Variants in DSCAML1 observed in about 807,000 individuals in gnomAD.
DSCAML1 encodes DS cell adhesion molecule like 1, also known as cell adhesion molecule DSCAML1.
Under a neutral mutation model 200.5 loss-of-function variants are expected in DSCAML1, and 38 were observed. That is an observed-to-expected ratio of 0.19 (90% CI 0.15 to 0.25). The LOEUF is 0.25. Among genes scored for constraint, DSCAML1 ranks in the 10% least tolerant of loss-of-function variants. DSCAML1 has a pLI of 1.00. For missense variants in DSCAML1, 2,223 were observed against 2,858.8 expected, an observed-to-expected ratio of 0.78 and a Z score of 5.07; for synonymous variants, 1,215 against 1,165.0, an observed-to-expected ratio of 1.04 and a Z score of -0.87.
chr11:117,511,113 G>C (rs573610323), intron 8 of DSCAML1, among the ~76,000 whole-genome samples: 1 of 152,190 alleles, frequency 6.6e-6, no homozygotes, highest in Non-Finnish European at 1.5e-5. Context: ...CCAGGCATAC[G>C]GCAGAGGCTG....
intron 1 of DSCAML1, among the ~76,000 whole-genome samples, chr11:117,815,926 C>T (rs2055801520): frequency 6.6e-6 from 1 of 151,862 alleles, no homozygotes; most frequent in Non-Finnish European, 1.5e-5. Flanking sequence ...ATGAAATCTG[C>T]CAAAACGGGT....
At chr11:117,810,162 TTTCAA>T (rs1345009167) in intron 1 of DSCAML1, among the ~76,000 whole-genome samples, 1 of 152,056 alleles carries the variant, frequency 6.6e-6, no homozygotes, top group African/African-American at 2.4e-5. Flanking sequence ...CTTCTCTTAA[TTTCAA>T]TTCCTTTCAT....
chr11:117,540,053 T>C (rs2050238894), intron 3 of DSCAML1, among the ~76,000 whole-genome samples: 1 of 152,250 alleles, frequency 6.6e-6, no homozygotes, highest in Admixed American at 6.5e-5. Context: ...GATTCTACTT[T>C]ACTTATAGGA....
At chr11:117,708,340 C>T (rs2053788276) in intron 3 of DSCAML1, among the ~76,000 whole-genome samples, 1 of 152,216 alleles carries the variant, frequency 6.6e-6, no homozygotes, top group Non-Finnish European at 1.5e-5. Flanking sequence ...CCAAATCTGT[C>T]TTTGTATAAA....
chr11:117,686,796 G>T (rs2053407589), intron 3 of DSCAML1, among the ~76,000 whole-genome samples: 1 of 152,198 alleles, frequency 6.6e-6, no homozygotes, highest in East Asian at 1.9e-4. Flanking sequence ...GACCACCCAG[G>T]CCACCAGGTG....
intron 3 of DSCAML1, among the ~76,000 whole-genome samples, chr11:117,568,452 C>T (rs531208347): frequency 6.6e-6 from 1 of 152,314 alleles, no homozygotes; most frequent in South Asian, 2.1e-4. Flanking sequence ...TTGCAGATGA[C>T]ATGATTGTAT....
At chr11:117,471,016 A>G (rs1272968838) in intron 15 of DSCAML1, among the ~76,000 whole-genome samples, 1 of 152,174 alleles carries the variant, frequency 6.6e-6, no homozygotes, top group Non-Finnish European at 1.5e-5. Context: ...AAATCAGGAT[A>G]TTGATTACTT....
At chr11:117,721,512 T>C (rs1026991108) in intron 3 of DSCAML1, among the ~76,000 whole-genome samples, 1 of 152,140 alleles carries the variant, frequency 6.6e-6, no homozygotes, top group Non-Finnish European at 1.5e-5. Flanking sequence ...CCCTGTTCTT[T>C]GGCCTGGGCC....
intron 3 of DSCAML1, among the ~76,000 whole-genome samples, chr11:117,724,134 AC>A (rs1013557461): frequency 1.3e-5 from 2 of 152,114 alleles, no homozygotes; most frequent in African/African-American, 4.8e-5. Flanking sequence ...CTCCTGTCTC[AC>A]CTCATCTGGA....
At chr11:117,473,071 C>T (rs1365570253) in intron 14 of DSCAML1, among the ~76,000 whole-genome samples, 1 of 152,180 alleles carries the variant, frequency 6.6e-6, no homozygotes, top group Admixed American at 6.5e-5. Flanking sequence ...TGCCTTTAAA[C>T]CCACAGTAGA....
intron 8 of DSCAML1, among the ~76,000 whole-genome samples, chr11:117,508,889 A>G (rs1436757914): frequency 1.3e-5 from 2 of 152,154 alleles, no homozygotes; most frequent in Non-Finnish European, 2.9e-5. Context: ...ATCAGGCAGG[A>G]AGGTTTAGTT....
chr11:117,566,894 C>T (rs930282639), intron 3 of DSCAML1, among the ~76,000 whole-genome samples: 4 of 151,732 alleles, frequency 2.6e-5, no homozygotes, highest in African/African-American at 9.7e-5. Flanking sequence ...CATGTCCCTA[C>T]AAAGGACATG....
At chr11:117,548,550 G>T (rs888368331) in intron 3 of DSCAML1, among the ~76,000 whole-genome samples, 1 of 152,198 alleles carries the variant, frequency 6.6e-6, no homozygotes, top group African/African-American at 2.4e-5. Flanking sequence ...TGGGACCCAG[G>T]AGGGCCTCAA....
chr11:117,592,433 C>T (rs1192045733), intron 3 of DSCAML1, among the ~76,000 whole-genome samples: 1 of 152,114 alleles, frequency 6.6e-6, no homozygotes, highest in African/African-American at 2.4e-5. Flanking sequence ...CCAGGCTCTT[C>T]CATTTGCCTG....
At chr11:117,711,156 G>T (rs962758341) in intron 3 of DSCAML1, among the ~76,000 whole-genome samples, 16 of 152,144 alleles carry the variant, frequency 1.1e-4, no homozygotes, top group Non-Finnish European at 2.1e-4. Context: ...ATGCCTCAGG[G>T]TCATGGTTAT....
chr11:117,504,832 T>G lies in DSCAML1; in HGVS notation c.2182+92A>C. ...GAGGACTCCCATCCAGGGATAGGAG[T>G]TGCCTGCATGGAACAGGTTCAAATC... On this transcript the variant is annotated intron_variant, in intron 10 of 32. Coordinates refer to ENST00000651296, the MANE Select transcript of DSCAML1 (RefSeq NM_020693.4). The surrounding 1 kb of genome is among the most constrained non-coding windows in gnomAD (Gnocchi z 5.0). 2 of 1,464,070 alleles carry G rather than the reference T, an allele frequency of 1.4e-6. No individual in the cohort carries two copies. The highest frequency in any genetic ancestry group is 2.4e-5 in the East Asian group (1 of 41,646). 90.7% of individuals were successfully genotyped at this position (1,464,070 alleles called of 1,614,324 possible). A position where few individuals can be genotyped will look rare whatever the true frequency, so the allele number is the denominator to read the frequency against.
chr11:117,803,704 G>A lies in DSCAML1; in HGVS notation c.-250+13686C>T, dbSNP rs1446142512. Among the ~76,000 whole-genome samples, 4 of 152,124 alleles carry A rather than the reference G, an allele frequency of 2.6e-5. No individual in the cohort carries two copies. The East Asian group carries it at 5.8e-4, about 22-fold the overall frequency. The stretch of plus-strand genomic sequence containing the variant: ...CCAGGTTCTCTGGATTCTGGTCAGG[G>A]CTCCCCGCTTGCCTCAGAGGTCTTA... On this transcript the variant is annotated intron_variant, in intron 1 of 2. Coordinates refer to the DSCAML1 transcript ENST00000525836.
chr11:117,639,918 C>T (rs1313263493), intron 3 of DSCAML1, among the ~76,000 whole-genome samples: 1 of 152,118 alleles, frequency 6.6e-6, no homozygotes, highest in African/African-American at 2.4e-5. Flanking sequence ...TTCTGTCTTG[C>T]CATCCAAGCC....
intron 4 of DSCAML1, among the ~76,000 whole-genome samples, chr11:117,531,687 C>T (rs932148993): frequency 8.6e-5 from 13 of 151,836 alleles, no homozygotes; most frequent in African/African-American, 2.2e-4. Flanking sequence ...AGTTCAAGAC[C>T]GGCCTAGCCA....
Sources: allele counts gnomAD v4.1 joint callset (sites outside exome capture counted in the v4.1 genomes callset), GRCh38; gene constraint gnomAD v4.1.1; non-coding constraint Gnocchi (gnomAD v3.1); transcripts MANE v1.5; gene names NCBI Gene and HGNC (gene_info 2026-07-23, HGNC 2026-07-21).